The following ZMAT4 variants were observed in gnomAD, a reference collection of about 807,000 sequenced individuals.
ZMAT4 encodes the protein zinc finger matrin-type 4.
In ZMAT4, 17 loss-of-function variants were observed where a neutral mutation model predicts 28.7. The ratio of observed to expected loss-of-function variants is 0.59; its 90% confidence interval spans 0.41 to 0.89. The LOEUF (loss-of-function observed/expected upper bound fraction) is 0.89, where lower values mean the gene tolerates loss of function less well. Among genes scored for constraint, ZMAT4 ranks in the 40% least tolerant of loss-of-function variants. The pLI is 0.00. For missense variants in ZMAT4, 240 were observed against 283.8 expected (o/e 0.85, Z 1.11); for synonymous variants, 117 against 109.2 (o/e 1.07, Z -0.44).
chr8:40,608,753 G>A (rs77699573), intron 5 of ZMAT4, among the ~76,000 whole-genome samples: 6 of 152,244 alleles, frequency 3.9e-5, no homozygotes, highest in East Asian at 1.9e-4. Flanking sequence ...TGCCCACAGC[G>A]TTCTTTCTGC....
chr8:40,891,709 C>T (rs988302170), intron 1 of ZMAT4, among the ~76,000 whole-genome samples: 32 of 152,140 alleles, frequency 2.1e-4, no homozygotes, highest in African/African-American at 5.3e-4. Flanking sequence ...TGCCTACCTC[C>T]GTGCTGGGCA....
chr8:40,835,473 T>C (rs1033755547), intron 1 of ZMAT4, among the ~76,000 whole-genome samples: 1 of 152,232 alleles, frequency 6.6e-6, no homozygotes, highest in Non-Finnish European at 1.5e-5. Flanking sequence ...GTGAAGCAAG[T>C]ACCTGCTCCA....
intron 2 of ZMAT4, among the ~76,000 whole-genome samples, chr8:40,777,826 C>A (rs183852892): frequency 1.3e-5 from 2 of 152,340 alleles, no homozygotes; most frequent in East Asian, 3.9e-4. Context: ...CCAGGAGCTC[C>A]CCCAACATAC....
At chr8:40,663,013 C>T (rs1172512991) in intron 5 of ZMAT4, among the ~76,000 whole-genome samples, 5 of 152,176 alleles carry the variant, frequency 3.3e-5, no homozygotes, top group Admixed American at 6.5e-5. Context: ...TGATCACATC[C>T]TCTACTGACA....
chr8:40,766,819 T>C (rs10093807), intron 3 of ZMAT4, among the ~76,000 whole-genome samples: 87,373 of 152,070 alleles, frequency 0.57, 26,546 homozygotes, highest in Middle Eastern at 0.71. Context: ...TAATTTTTAA[T>C]GAGAAAAGAA....
chr8:40,818,424 C>T (rs1440113614), intron 2 of ZMAT4, among the ~76,000 whole-genome samples: 1 of 152,202 alleles, frequency 6.6e-6, no homozygotes, highest in East Asian at 1.9e-4. Flanking sequence ...TTGTATTTAT[C>T]ATATCAGAAG....
intron 2 of ZMAT4, among the ~76,000 whole-genome samples, chr8:40,777,495 G>T (rs772640981): frequency 6.6e-6 from 1 of 152,190 alleles, no homozygotes; most frequent in Non-Finnish European, 1.5e-5. Flanking sequence ...GGCAGCCTCA[G>T]CTCTTCCTAC....
chr8:40,713,347 C>T (rs1055902552), intron 3 of ZMAT4, among the ~76,000 whole-genome samples: 7 of 151,572 alleles, frequency 4.6e-5, no homozygotes, highest in South Asian at 4.2e-4. Flanking sequence ...ACATTGAAAA[C>T]AGTTCAAAAC....
chr8:40,601,438 A>G lies in ZMAT4; in HGVS notation c.578-20177T>C, dbSNP rs1489127080. 6.5e-3 allele frequency among the ~76,000 whole-genome samples: 749 copies of G among 115,288 alleles called. 32 individuals are homozygous for G. The highest frequency in any genetic ancestry group is 0.019 in the African/African-American group (534 of 28,154). The allele number at this position is 115,288 out of a possible 152,430, so 75.6% of individuals were successfully genotyped here. ...GAAGGAAGGAAGGAAGGAAGGAAGGAAGGAAGGAAGGAAGGAAGGGAGGAA... is the reference window on the plus strand; with the variant it reads ...GAAGGAAGGAAGGAAGGAAGGAAGGGAGGAAGGAAGGAAGGAAGGGAGGAA... On this transcript the variant is annotated intron_variant, in intron 5 of 6. Transcript: ENST00000297737.
At chr8:40,597,922 C>A (rs1805156511) in intron 5 of ZMAT4, among the ~76,000 whole-genome samples, 1 of 151,974 alleles carries the variant, frequency 6.6e-6, no homozygotes. Flanking sequence ...AATTTAAAAC[C>A]AATGCTTATG....
chr8:40,698,564 C>G (rs979785920), intron 3 of ZMAT4, among the ~76,000 whole-genome samples: 1 of 152,148 alleles, frequency 6.6e-6, no homozygotes, highest in African/African-American at 2.4e-5. Flanking sequence ...CCAGACAGTA[C>G]AATTTAAAAT....
At chr8:40,800,116 C>T (rs1814775252) in intron 2 of ZMAT4, among the ~76,000 whole-genome samples, 1 of 152,122 alleles carries the variant, frequency 6.6e-6, no homozygotes, top group Non-Finnish European at 1.5e-5. Flanking sequence ...CAACGATGGA[C>T]CACACGCCCA....
intron 6 of ZMAT4, among the ~76,000 whole-genome samples, chr8:40,537,182 G>A (rs928015565): frequency 6.6e-6 from 1 of 152,146 alleles, no homozygotes. Flanking sequence ...AATCAAAAGT[G>A]GAGGCAGGAC....
At chr8:40,607,969 T>C (rs775224241) in intron 5 of ZMAT4, among the ~76,000 whole-genome samples, 51 of 151,908 alleles carry the variant, frequency 3.4e-4, no homozygotes, top group Non-Finnish European at 6.2e-4. Flanking sequence ...GGGTCCTTGG[T>C]TGTGTTTTTT....
chr8:40,773,666 A>T (rs1190801480), intron 2 of ZMAT4, among the ~76,000 whole-genome samples: 1 of 152,232 alleles, frequency 6.6e-6, no homozygotes, highest in East Asian at 1.9e-4. Context: ...GTAAAAGCTG[A>T]AAGATGAGAT....
chr8:40,630,475 A>G (rs373641229), intron 5 of ZMAT4, among the ~76,000 whole-genome samples: 3 of 152,312 alleles, frequency 2.0e-5, no homozygotes, highest in East Asian at 3.9e-4. Flanking sequence ...CTAAACTCAC[A>G]CAACCAAACC....
intron 5 of ZMAT4, among the ~76,000 whole-genome samples, chr8:40,613,180 C>CTTTTTTTTTTTTT (rs34687121): frequency 3.8e-5 from 3 of 79,970 alleles, no homozygotes; most frequent in Non-Finnish European, 6.5e-5. Context: ...TACTTTCTTT[C>CTTTTTTTTTTTTT]TTTTTTTTTT....
chr8:40,788,829 T>G (rs1252545540), intron 2 of ZMAT4, among the ~76,000 whole-genome samples: 1 of 151,770 alleles, frequency 6.6e-6, no homozygotes, highest in Non-Finnish European at 1.5e-5. Flanking sequence ...CTTAACAAAT[T>G]TTTAGCAAAT....
At chr8:40,591,685 TTATTCTG>T (rs1804899738) in intron 5 of ZMAT4, among the ~76,000 whole-genome samples, 1 of 152,242 alleles carries the variant, frequency 6.6e-6, no homozygotes, top group Admixed American at 6.5e-5. Context: ...CATAAAGGTC[TTATTCTG>T]TATCATTCGT....
Sources: gnomAD v4.1 joint callset for allele counts (sites outside exome capture counted in the v4.1 genomes callset) on GRCh38, gnomAD v4.1.1 for gene constraint, MANE v1.5 for transcripts, NCBI Gene and HGNC (gene_info 2026-07-23, HGNC 2026-07-21) for gene names.